KIAA2012: variants seen among roughly 807,000 people sequenced by gnomAD.
The protein encoded by KIAA2012 is uncharacterized protein KIAA2012.
A neutral mutation model predicts 150.6 loss-of-function variants in KIAA2012; 125 were observed. The observed-to-expected ratio is 0.83, with a 90% CI of 0.72 to 0.96. KIAA2012 has a LOEUF of 0.96. Ranked by LOEUF, KIAA2012 falls within the 40% of genes least tolerant of loss-of-function variation. The pLI is 0.00. For missense variants in KIAA2012, 1,219 were observed against 1,354.9 expected (o/e 0.90, Z 1.57); for synonymous variants, 462 against 504.7 (o/e 0.92, Z 1.13).
intron 2 of KIAA2012, among the ~76,000 whole-genome samples, chr2:202,086,725 T>C (rs1575002731): frequency 6.6e-6 from 1 of 152,212 alleles, no homozygotes; most frequent in East Asian, 1.9e-4. Context: ...AAGCCATGTT[T>C]TCTTTTATCT....
At chr2:202,117,771 T>A (rs554421809) in intron 11 of KIAA2012, among the ~76,000 whole-genome samples, 1 of 152,204 alleles carries the variant, frequency 6.6e-6, no homozygotes, top group Middle Eastern at 3.2e-3. Context: ...TGGAAACCAG[T>A]GGACCAAAGT....
At chr2:202,121,409 A>C (rs1690649859) in intron 11 of KIAA2012, among the ~76,000 whole-genome samples, 1 of 152,212 alleles carries the variant, frequency 6.6e-6, no homozygotes, top group Non-Finnish European at 1.5e-5. Flanking sequence ...CATCTTGTAA[A>C]GTATTAAGTA....
At chr2:202,117,125 A>G (rs949549199) in intron 11 of KIAA2012, 2 of 152,250 alleles carry the variant, frequency 1.3e-5, no homozygotes, top group African/African-American at 4.8e-5. Context: ...CACACACCTA[A>G]GCCACTCCAA....
At chr2:202,139,785 A>C (rs1173912035) in intron 13 of KIAA2012, among the ~76,000 whole-genome samples, 2 of 152,194 alleles carry the variant, frequency 1.3e-5, no homozygotes, top group Non-Finnish European at 2.9e-5. Flanking sequence ...AGAGTTTTTG[A>C]AAGAGTGTGT....
intron 13 of KIAA2012, among the ~76,000 whole-genome samples, chr2:202,148,241 G>A (rs1342875609): frequency 2.0e-5 from 3 of 152,120 alleles, no homozygotes; most frequent in South Asian, 2.1e-4. Context: ...CCAAAGTCAC[G>A]AAATGAGCCC....
At chr2:202,152,713 G>C (rs1310327879) in intron 13 of KIAA2012, among the ~76,000 whole-genome samples, 1 of 152,140 alleles carries the variant, frequency 6.6e-6, no homozygotes, top group Non-Finnish European at 1.5e-5. Flanking sequence ...TAAAAAAATT[G>C]GATGTGTGTT....
chr2:202,193,604 T>C, intron 20 of KIAA2012, 101 bp downstream of exon 20: 1 of 1,174,946 alleles, frequency 8.5e-7, no homozygotes, highest in Non-Finnish European at 1.2e-6. Flanking sequence ...CTGAGGCTCA[T>C]GCCCTGAAGT....
chr2:202,079,676 A>G (rs185525078), intron 2 of KIAA2012, among the ~76,000 whole-genome samples: 319 of 152,268 alleles, frequency 2.1e-3, no homozygotes, highest in African/African-American at 7.3e-3. Flanking sequence ...GCATTCTTAG[A>G]CTTCTGGATA....
chr2:202,113,612 A>G (rs1690440204), intron 11 of KIAA2012, 166 bp downstream of exon 11: 2 of 591,972 alleles, frequency 3.4e-6, no homozygotes, highest in Non-Finnish European at 6.0e-6. Flanking sequence ...TAGCTCAGAG[A>G]CAATGATCCA....
chr2:202,158,503 G>A (rs1691581916), intron 14 of KIAA2012, among the ~76,000 whole-genome samples: 1 of 152,114 alleles, frequency 6.6e-6, no homozygotes, highest in South Asian at 2.1e-4. Flanking sequence ...TCCATTTGTT[G>A]CATGTGAACT....
Position 202,075,049 on chromosome 2 carries a change from G to A in KIAA2012, c.243G>A (p.Ser81=), listed in dbSNP as rs921660471. 34 of 1,550,526 alleles carry A rather than the reference G, an allele frequency of 2.2e-5. No individual in the cohort carries two copies. The East Asian group carries it at 3.9e-4, about 18-fold the overall frequency. The part of the protein sequence containing the change: ...LILYSEGFAI[S]AWTPKERRKG... ...TGTACTCAGAAGGTTTTGCCATTTC[G>A]GCATGGACACCCAAAGAGAGGAGAA... is the stretch of plus-strand genomic sequence containing the variant. Residue 81 remains serine (S), a synonymous_variant, in exon 2 of 24, where the codon TCG becomes TCA. Transcript: ENST00000498697.
At chr2:202,075,978 A>T (rs2105906569) in intron 2 of KIAA2012, among the ~76,000 whole-genome samples, 2 of 152,308 alleles carry the variant, frequency 1.3e-5, no homozygotes, top group South Asian at 2.1e-4. Context: ...CACTTCCATC[A>T]TGGACGCCAT....
chr2:202,194,749 T>C (rs965002871), intron 21 of KIAA2012, among the ~76,000 whole-genome samples: 4 of 152,114 alleles, frequency 2.6e-5, no homozygotes, highest in East Asian at 1.9e-4. Flanking sequence ...TAAAAAATTA[T>C]TAGTTTTTTG....
At chr2:202,178,284 T>C (rs577240503) in intron 15 of KIAA2012, among the ~76,000 whole-genome samples, 1 of 152,350 alleles carries the variant, frequency 6.6e-6, no homozygotes, top group Admixed American at 6.5e-5. Context: ...GCAATGAGTA[T>C]ACAGTATTTT....
At chr2:202,090,747 T>C in intron 2 of KIAA2012, 23 bp from the exon 3 acceptor site, 2 of 1,537,566 alleles carry the variant, frequency 1.3e-6, no homozygotes, top group Non-Finnish European at 1.8e-6. Context: ...AGCTGTGCTG[T>C]TTCCTGACTG....
chr2:202,162,862 G>A (rs1397849141), intron 14 of KIAA2012, among the ~76,000 whole-genome samples: 27 of 148,928 alleles, frequency 1.8e-4, no homozygotes, highest in African/African-American at 4.2e-4. Context: ...CCCGGGAGGC[G>A]GAGGTTGCAG....
At chr2:202,193,174 G>C in intron 19 of KIAA2012, 127 bp from the exon 20 acceptor site, 1 of 947,298 alleles carries the variant, frequency 1.1e-6, no homozygotes, top group East Asian at 2.7e-5. Flanking sequence ...TGCAGCTGTG[G>C]GCAAAGTGTG....
chr2:202,089,788 C>T (rs13022378), intron 2 of KIAA2012, among the ~76,000 whole-genome samples: 57,178 of 151,992 alleles, frequency 0.38, 11,267 homozygotes, highest in African/African-American at 0.42. Context: ...GACTAAAAAG[C>T]GGCATGAGGG....
chr2:202,099,757 T>G lies in KIAA2012; in HGVS notation c.973T>G (p.Cys325Gly), dbSNP rs566678924. Residue 325 changes from cysteine (C) to glycine (G), a missense_variant, in exon 6 of 24, where the codon TGT becomes GGT. By Grantham distance (159) the Cys-to-Gly change is radical (BLOSUM62 -3). Coordinates refer to ENST00000498697, the MANE Select transcript of KIAA2012 (RefSeq NM_001277372.4). ...LPSDKSHITF[C>G]GGAFPNRKAD... ...AAGTGACAAATCCCACATTACATTC[T>G]GTGGAGGCGCCTTCCCTAATAGGAA... 24 of 1,550,384 alleles carry G rather than the reference T, an allele frequency of 1.5e-5. 1 individual carries two copies. In the South Asian group the frequency reaches 2.7e-4, roughly 18 times the overall value.
Sources: gnomAD v4.1 joint callset for allele counts (sites outside exome capture counted in the v4.1 genomes callset) on GRCh38, gnomAD v4.1.1 for gene constraint, MANE v1.5 for transcripts, NCBI Gene and HGNC (gene_info 2026-07-23, HGNC 2026-07-21) for gene names.